CFAP46: variants seen among roughly 807,000 people sequenced by gnomAD.
CFAP46 encodes cilia- and flagella-associated protein 46.
Under a neutral mutation model 325.7 loss-of-function variants are expected in CFAP46, and 245 were observed. That is an observed-to-expected ratio of 0.75 (90% CI 0.68 to 0.84). The LOEUF is 0.84. Ranked by LOEUF, CFAP46 falls within the 40% of genes least tolerant of loss-of-function variation. The pLI, the probability that CFAP46 is intolerant of heterozygous loss-of-function variation, is 0.00. For synonymous variants in CFAP46, 1,523 were observed against 1,495.9 expected (o/e 1.02, Z -0.42); for missense variants, 3,346 against 3,543.0 (o/e 0.94, Z 1.41).
intron 50 of CFAP46, among the ~76,000 whole-genome samples, chr10:132,821,781 T>C (rs1315077897): frequency 1.6e-5 from 2 of 128,082 alleles, no homozygotes; most frequent in East Asian, 2.5e-4. Context: ...GCTGTGTGAG[T>C]GCTGATGTGT....
chr10:132,845,062 C>T (rs564541473), intron 44 of CFAP46, among the ~76,000 whole-genome samples: 14 of 152,186 alleles, frequency 9.2e-5, no homozygotes, highest in Non-Finnish European at 5.9e-5. Flanking sequence ...AGACCACAGG[C>T]GCCCCCAACG....
intron 22 of CFAP46, among the ~76,000 whole-genome samples, chr10:132,903,409 C>T (rs369732735): frequency 1.3e-5 from 2 of 152,222 alleles, no homozygotes; most frequent in South Asian, 4.1e-4. Context: ...CTGCTACAGC[C>T]TCAAGCCCTG....
At chr10:132,856,547 T>A (rs924622057) in intron 39 of CFAP46, among the ~76,000 whole-genome samples, 1 of 152,242 alleles carries the variant, frequency 6.6e-6, no homozygotes, top group Non-Finnish European at 1.5e-5. Context: ...TCTGTTGCTA[T>A]GTCTCTAAGT....
At chr10:132,890,240 C>T (rs1347989474) in intron 25 of CFAP46, among the ~76,000 whole-genome samples, 1 of 152,138 alleles carries the variant, frequency 6.6e-6, no homozygotes, top group African/African-American at 2.4e-5. Context: ...GCCTCCTCTG[C>T]CCGAGCCACG....
chr10:132,899,958 C>T (rs1005768436), intron 22 of CFAP46, among the ~76,000 whole-genome samples: 3 of 152,158 alleles, frequency 2.0e-5, no homozygotes, highest in East Asian at 1.9e-4. Context: ...CTCTCAACCA[C>T]GGAGCTGGCA....
chr10:132,869,462 C>G lies in CFAP46; in HGVS notation c.4512-90G>C. 1.1e-6 allele frequency: 1 copy of G among 871,248 alleles called. No homozygotes were observed. Among genetic ancestry groups the G allele is most frequent in the Non-Finnish European group, 1.7e-6 (1 of 603,726 alleles). 54.0% of individuals were successfully genotyped at this position (871,248 alleles called of 1,614,324 possible). On this transcript the variant is annotated intron_variant, in intron 32 of 57. Coordinates refer to ENST00000368586, the MANE Select transcript of CFAP46 (RefSeq NM_001200049.3). This position sits in a 1 kb window ranked among gnomAD's most constrained non-coding sequence, Gnocchi z 6.2. ...ACTAGTGTGCTTCACAGAAAACGGT[C>G]AACTAACACATCGAGGCACACTTGG...
chr10:132,887,542 T>C (rs1361415770), intron 25 of CFAP46, among the ~76,000 whole-genome samples: 1 of 96,366 alleles, frequency 1.0e-5, no homozygotes, highest in Non-Finnish European at 2.1e-5. Context: ...CTCTCCCCTC[T>C]TCTCTCCTCT....
At chr10:132,831,743 T>C (rs1336161045) in intron 50 of CFAP46, among the ~76,000 whole-genome samples, 3 of 152,214 alleles carry the variant, frequency 2.0e-5, no homozygotes, top group African/African-American at 4.8e-5. Context: ...ATAGATATGG[T>C]TGGGTTGAAA....
chr10:132,812,724 G>T (rs763403871), intron 55 of CFAP46, 61 bp downstream of exon 55: 7 of 1,252,014 alleles, frequency 5.6e-6, no homozygotes, highest in Non-Finnish European at 4.6e-6. Context: ...GCCCTGCTCT[G>T]CCCTCAGGCG....
chr10:132,810,517 G>A, intron 56 of CFAP46, 28 bp from the exon 57 acceptor site: 7 of 1,597,836 alleles, frequency 4.4e-6, no homozygotes, highest in Non-Finnish European at 6.0e-6. Flanking sequence ...CCTCAGGAGG[G>A]CATGGACACC....
chr10:132,846,716 G>T (rs1339606767), intron 43 of CFAP46, among the ~76,000 whole-genome samples: 3 of 152,226 alleles, frequency 2.0e-5, no homozygotes, highest in Non-Finnish European at 2.9e-5. Context: ...AGGTCTCCAT[G>T]TCTGCCCGAT....
At position 132,846,723 on chromosome 10, in the gene CFAP46, C is replaced by T. The variant is rs567497639; in HGVS notation, c.6267+209G>A. Among the ~76,000 whole-genome samples, 9 of 152,332 alleles carry T rather than the reference C, an allele frequency of 5.9e-5. No homozygotes were observed. The South Asian group carries it at 1.4e-3, about 25-fold the overall frequency. ...TGACTGCCAGGTCTCCATGTCTGCC[C>T]GATGCAGGGGATCGGGGATAAGCAC... On this transcript the variant is annotated intron_variant, in intron 43 of 57. Coordinates refer to ENST00000368586, the MANE Select transcript of CFAP46 (RefSeq NM_001200049.3).
chr10:132,841,291 G>A (rs1213463942), intron 44 of CFAP46, among the ~76,000 whole-genome samples: 1 of 152,234 alleles, frequency 6.6e-6, no homozygotes, highest in Non-Finnish European at 1.5e-5. Flanking sequence ...ACGGGAATAG[G>A]CAAAATGAGG....
At chr10:132,812,017 G>C (rs1456062541) in intron 55 of CFAP46, among the ~76,000 whole-genome samples, 1 of 152,254 alleles carries the variant, frequency 6.6e-6, no homozygotes, top group Non-Finnish European at 1.5e-5. Context: ...GTCACGGCAA[G>C]TGGGCTGGCC....
chr10:132,942,404 C>G (rs974038353), intron 1 of CFAP46, 32 bp downstream of exon 1: 8 of 1,353,842 alleles, frequency 5.9e-6, no homozygotes, highest in South Asian at 1.9e-5. Flanking sequence ...GGGGCCTCCC[C>G]GGGGCGGGGG....
In CFAP46 at chr10:132,941,042, C is replaced by A. The variant is rs760180286; in HGVS notation, c.325G>T (p.Val109Leu). ...TTTATGGCCTTCATGTACTCAGTCA[C>A]GCAATTTTCAAATTCCTCCTAAGGC... is the stretch of plus-strand genomic sequence containing the variant. ...AENLEEFENC[V>L]TEYMKAINFA... The change falls in exon 4 of 58, where the codon GTG (valine) becomes TTG (leucine). Residue 109 changes from valine (V) to leucine (L), a missense_variant. Transcript: ENST00000368586. 1 of 1,614,042 alleles carries A rather than the reference C, an allele frequency of 6.2e-7. No individual in the cohort carries two copies. The highest frequency in any genetic ancestry group is 8.5e-7 in the Non-Finnish European group (1 of 1,180,034).
chr10:132,867,227 C>T (rs1591063163), intron 34 of CFAP46, 148 bp downstream of exon 34: 1 of 858,574 alleles, frequency 1.2e-6, no homozygotes, highest in South Asian at 1.8e-5. Context: ...AGGCCGGCCC[C>T]TCACACACTG....
chr10:132,917,012 C>A (rs1047701860), intron 16 of CFAP46, among the ~76,000 whole-genome samples: 1 of 152,250 alleles, frequency 6.6e-6, no homozygotes, highest in African/African-American at 2.4e-5. Context: ...ACCTCCCCTA[C>A]GTAATCATTA....
chr10:132,936,600 A>T (rs1850011612), intron 7 of CFAP46, among the ~76,000 whole-genome samples: 1 of 141,794 alleles, frequency 7.1e-6, no homozygotes, highest in African/African-American at 2.7e-5. Flanking sequence ...ATACACTGTG[A>T]TCTCCTCACT....
Sources: allele counts gnomAD v4.1 joint callset (sites outside exome capture counted in the v4.1 genomes callset), GRCh38; gene constraint gnomAD v4.1.1; non-coding constraint Gnocchi (gnomAD v3.1); transcripts MANE v1.5; gene names NCBI Gene and HGNC (gene_info 2026-07-23, HGNC 2026-07-21).